The following KCTD16 variants were observed in gnomAD, a reference collection of about 807,000 sequenced individuals.
KCTD16 encodes the protein BTB/POZ domain-containing protein KCTD16.
Under a neutral mutation model 33.2 loss-of-function variants are expected in KCTD16, and 13 were observed. That is an observed-to-expected ratio of 0.39 (90% CI 0.25 to 0.62). The LOEUF (loss-of-function observed/expected upper bound fraction) is 0.62, where lower values mean the gene tolerates loss of function less well. Among genes scored for constraint, KCTD16 ranks in the 20% least tolerant of loss-of-function variants. The pLI is 0.50. For synonymous variants in KCTD16, 197 were observed against 195.3 expected, an observed-to-expected ratio of 1.01 and a Z score of -0.07; for missense variants, 441 against 525.1, an observed-to-expected ratio of 0.84 and a Z score of 1.57.
At chr5:144,191,907 A>G (rs1439076146) in intron 2 of KCTD16, among the ~76,000 whole-genome samples, 1 of 152,120 alleles carries the variant, frequency 6.6e-6, no homozygotes, top group Non-Finnish European at 1.5e-5. Flanking sequence ...TATATGGTCA[A>G]TACAAGTGAA....
intron 3 of KCTD16, among the ~76,000 whole-genome samples, chr5:144,348,445 T>A (rs1426610316): frequency 6.6e-6 from 1 of 152,212 alleles, no homozygotes; most frequent in Non-Finnish European, 1.5e-5. Flanking sequence ...AGCCACGATG[T>A]CTGACTTTGA....
chr5:144,377,324 C>T (rs893210406), intron 3 of KCTD16, among the ~76,000 whole-genome samples: 2 of 152,150 alleles, frequency 1.3e-5, no homozygotes, highest in African/African-American at 4.8e-5. Flanking sequence ...ATGGAGTGGA[C>T]AGTGGCAAAC....
chr5:144,428,720 T>C (rs965724162), intron 3 of KCTD16, among the ~76,000 whole-genome samples: 13 of 152,158 alleles, frequency 8.5e-5, no homozygotes, highest in African/African-American at 3.1e-4. Context: ...AGCCAAAAGG[T>C]GGTGTCCTCC....
intron 3 of KCTD16, among the ~76,000 whole-genome samples, chr5:144,412,904 G>A (rs759828712): frequency 1.6e-4 from 24 of 152,056 alleles, no homozygotes; most frequent in Admixed American, 4.6e-4. Context: ...AAATAAATAA[G>A]TAAGATCTAA....
At chr5:144,402,377 G>A (rs997468789) in intron 3 of KCTD16, among the ~76,000 whole-genome samples, 2 of 152,122 alleles carry the variant, frequency 1.3e-5, no homozygotes, top group Non-Finnish European at 2.9e-5. Flanking sequence ...TTACAAGTGT[G>A]CCACTTTTGC....
At chr5:144,171,235 C>A (rs1335309464) in intron 1 of KCTD16, among the ~76,000 whole-genome samples, 1 of 152,014 alleles carries the variant, frequency 6.6e-6, no homozygotes, top group East Asian at 1.9e-4. Flanking sequence ...TTCCATAATT[C>A]TTTGAAAGAG....
chr5:144,405,485 A>G (rs1279295789), intron 3 of KCTD16, among the ~76,000 whole-genome samples: 1 of 152,180 alleles, frequency 6.6e-6, no homozygotes, highest in Non-Finnish European at 1.5e-5. Flanking sequence ...TTCAGTAGAG[A>G]TGGAGACCTG....
intron 3 of KCTD16, among the ~76,000 whole-genome samples, chr5:144,392,949 T>G (rs556063947): frequency 1.6e-4 from 24 of 152,226 alleles, no homozygotes; most frequent in African/African-American, 5.1e-4. Context: ...ACCACTGAAA[T>G]TTTGAGGTTG....
intron 3 of KCTD16, among the ~76,000 whole-genome samples, chr5:144,450,205 A>G (rs889191032): frequency 1.3e-5 from 2 of 152,080 alleles, no homozygotes; most frequent in Non-Finnish European, 2.9e-5. Flanking sequence ...AAGGCACTCA[A>G]CATCACTAAT....
At chr5:144,355,528 T>G (rs1751551218) in intron 3 of KCTD16, among the ~76,000 whole-genome samples, 1 of 152,168 alleles carries the variant, frequency 6.6e-6, no homozygotes, top group South Asian at 2.1e-4. Context: ...GACCCTGCCT[T>G]GCATAGAGTG....
rs1288072249 is a variant in KCTD16, at chr5:144,372,245, C to A, written c.833-101415C>A. Among the ~76,000 whole-genome samples the A allele has an allele frequency of 6.6e-5, 10 of 150,522 alleles. 1 individual carries two copies. Among genetic ancestry groups the A allele is most frequent in the Admixed American group, 3.3e-4 (5 of 15,142 alleles). The stretch of plus-strand genomic sequence containing the variant: ...TCTACAAATGTGAATAACAGTGGTA[C>A]CCATCTTATAAAAGTTTTGTAAGGA... On this transcript the variant is annotated intron_variant, in intron 3 of 3. Coordinates refer to ENST00000512467, the MANE Select transcript of KCTD16 (RefSeq NM_020768.4).
chr5:144,349,085 A>T (rs751536479), intron 3 of KCTD16, among the ~76,000 whole-genome samples: 1 of 152,220 alleles, frequency 6.6e-6, no homozygotes, highest in Non-Finnish European at 1.5e-5. Flanking sequence ...GTTTAGGATC[A>T]TATTAATCTG....
chr5:144,295,087 G>A (rs532667949), intron 3 of KCTD16, among the ~76,000 whole-genome samples: 2 of 152,276 alleles, frequency 1.3e-5, no homozygotes, highest in Non-Finnish European at 2.9e-5. Flanking sequence ...TATAAAGGGG[G>A]ATAATAACAG....
chr5:144,259,007 C>G (rs1754927878), intron 3 of KCTD16, among the ~76,000 whole-genome samples: 1 of 151,980 alleles, frequency 6.6e-6, no homozygotes, highest in South Asian at 2.1e-4. Context: ...GCCTGTAATA[C>G]CAGCACTTTG....
At chr5:144,388,584 C>G (rs1290764428) in intron 3 of KCTD16, among the ~76,000 whole-genome samples, 3 of 152,034 alleles carry the variant, frequency 2.0e-5, no homozygotes, top group African/African-American at 7.3e-5. Flanking sequence ...CATTTTAACC[C>G]TAGAAATGTA....
Position 144,481,231 on chromosome 5 carries a change from C to G in KCTD16, c.*7117C>G, listed in dbSNP as rs546628222. Reference sequence around the variant, plus strand: ...GATCCTGTTAAAGATGTTTCCCAAGCTGATCAACAGTAGACCACAAAGTGC... The same window carrying G: ...GATCCTGTTAAAGATGTTTCCCAAGGTGATCAACAGTAGACCACAAAGTGC... On this transcript the variant is annotated 3_prime_UTR_variant, in exon 4 of 4. Transcript: ENST00000512467. 4 of 152,032 alleles carry G rather than the reference C, an allele frequency of 2.6e-5. No individual in the cohort carries two copies. Among genetic ancestry groups the G allele is most frequent in the African/African-American group, 9.6e-5 (4 of 41,518 alleles). 9.4% of individuals were successfully genotyped at this position (152,032 alleles called of 1,614,324 possible).
chr5:144,179,708 G>T (rs1752578439), intron 2 of KCTD16, among the ~76,000 whole-genome samples: 1 of 152,204 alleles, frequency 6.6e-6, no homozygotes, highest in African/African-American at 2.4e-5. Context: ...ACATGACAAA[G>T]ATTAGGTGAT....
intron 3 of KCTD16, among the ~76,000 whole-genome samples, chr5:144,444,146 T>G (rs1753769144): frequency 6.6e-6 from 1 of 151,996 alleles, no homozygotes; most frequent in Non-Finnish European, 1.5e-5. Context: ...TTGCCATCGT[T>G]TCATGTTTTT....
chr5:144,342,948 G>A (rs1470059294), intron 3 of KCTD16, among the ~76,000 whole-genome samples: 2 of 152,140 alleles, frequency 1.3e-5, no homozygotes, highest in Admixed American at 1.3e-4. Context: ...CATGGTGGAT[G>A]AGCTTTTTGA....
Sources: gnomAD v4.1 joint callset for allele counts (sites outside exome capture counted in the v4.1 genomes callset) on GRCh38, gnomAD v4.1.1 for gene constraint, MANE v1.5 for transcripts, NCBI Gene and HGNC (gene_info 2026-07-23, HGNC 2026-07-21) for gene names.